INSRR: variants seen among roughly 807,000 people sequenced by gnomAD.
INSRR encodes insulin receptor-related protein.
In INSRR, 114 loss-of-function variants were observed where a neutral mutation model predicts 130.0. The ratio of observed to expected loss-of-function variants is 0.88; its 90% CI spans 0.75 to 1.02. The LOEUF is 1.02. Ranked by LOEUF, INSRR falls within the 50% of genes least tolerant of loss-of-function variation. The probability of loss-of-function intolerance (pLI) is 0.00; values close to 1 mark genes in which losing one functional copy is unlikely to be tolerated. For missense variants in INSRR, 1,657 were observed against 1,735.2 expected (o/e 0.95, Z 0.80); for synonymous variants, 674 against 705.2 (o/e 0.96, Z 0.70).
In INSRR at chr1:156,852,131, C is replaced by A; in HGVS notation, c.698G>T (p.Cys233Phe). ...TTCTGGCTGGCTGCAGCCCCCCAGG[C>A]ATTCGGTGTGGCAGCACTCGCCCCT... Reference protein sequence around the residue: ...TARGECCHTECLGGCSQPEDP... With the variant: ...TARGECCHTEFLGGCSQPEDP... Residue 233 changes from cysteine (C) to phenylalanine (F), a missense_variant, in exon 3 of 22, where the codon TGC becomes TTC. Cys to Phe is a radical substitution (Grantham distance 205, BLOSUM62 -2). Coordinates refer to ENST00000368195, the MANE Select transcript of INSRR (RefSeq NM_014215.3). 1 of 1,613,230 alleles carries A rather than the reference C, an allele frequency of 6.2e-7. No homozygotes were observed. The highest frequency in any genetic ancestry group is 8.5e-7 in the Non-Finnish European group (1 of 1,179,738).
rs1288954104 is a variant in INSRR at position 156,842,380 on chromosome 1, G to A, written c.3237+18C>T. The A allele has an allele frequency of 6.2e-7, 1 of 1,613,246 alleles. No individual in the cohort carries two copies. The highest frequency in any genetic ancestry group is 2.2e-5 in the East Asian group (1 of 44,868). ...GCCCAACCCTTCTTTCACTCCCCAG[G>A]GTCTTCCTGGTCCCTACCTCTGCCT... On this transcript the variant is annotated intron_variant, in intron 18 of 21. Transcript: ENST00000368195.
chr1:156,857,628 G>A (rs1432709622), intron 1 of INSRR, among the ~76,000 whole-genome samples: 1 of 152,158 alleles, frequency 6.6e-6, no homozygotes, highest in Non-Finnish European at 1.5e-5. Flanking sequence ...TCTGTGACTA[G>A]CACCCTTTAG....
chr1:156,853,114 A>G (rs942716658), intron 2 of INSRR, among the ~76,000 whole-genome samples: 1 of 151,850 alleles, frequency 6.6e-6, no homozygotes, highest in African/African-American at 2.4e-5. Flanking sequence ...GCATCATCCT[A>G]AAGGTCCCAC....
chr1:156,855,176 T>TTATCTATCTATG (rs1655363579), intron 1 of INSRR, among the ~76,000 whole-genome samples: 1 of 143,462 alleles, frequency 7.0e-6, no homozygotes, highest in South Asian at 2.4e-4. Context: ...CCATCCAATT[T>TTATCTATCTATG]TATCTATCTA....
rs1363859708 is a variant in INSRR at position 156,858,579 on chromosome 1, C to T, written c.43G>A (p.Val15Met). Residue 15 changes from valine (V) to methionine (M), a missense_variant, in exon 1 of 22, where the codon GTG becomes ATG. By Grantham distance (21) the Val-to-Met change is conservative. Transcript: ENST00000368195. ...CCAAATCCCAAGGAGAGGAAGATCA[C>T]AGGCAGGCATGCTCCCCAGGGCCAC... ...SLWPWGACLP[V>M]IFLSLGFGLD... is the part of the protein sequence containing the mutation. 4.3e-6 allele frequency: 7 copies of T among 1,614,080 alleles called. No individual in the cohort carries two copies. Among genetic ancestry groups the T allele is most frequent in the Non-Finnish European group, 5.9e-6 (7 of 1,180,000 alleles).
intron 5 of INSRR, 29 bp from the exon 6 acceptor site, chr1:156,849,489 C>T (rs778415385): frequency 1.9e-5 from 5 of 261,788 alleles, no homozygotes; most frequent in South Asian, 2.8e-5. Context: ...CCTTGCTCTG[C>T]GGGGAGGTGG....
At chr1:156,842,555 C>T in intron 17 of INSRR, 47 bp from the exon 18 acceptor site, 1 of 1,496,756 alleles carries the variant, frequency 6.7e-7, no homozygotes, top group African/African-American at 1.4e-5. Context: ...CCCCTTGACC[C>T]ATTTGGCCAA....
At position 156,844,062 on chromosome 1, in the gene INSRR, C is replaced by T. The variant is rs370870438; in HGVS notation, c.2843+113G>A. 7.1e-4 allele frequency: 530 copies of T among 743,540 alleles called. 8 individuals carry two copies. In the South Asian group the frequency reaches 8.6e-3, roughly 12 times the overall value. 46.1% of individuals were successfully genotyped at this position (743,540 alleles called of 1,614,324 possible). On this transcript the variant is annotated intron_variant, in intron 15 of 21. Transcript: ENST00000368195. ...CTGTGCCACCGCAGGGGAAGAGTTA[C>T]TGCCTGTATGGAAGACCTGTCTTTC...
Position 156,841,397 on chromosome 1 carries a change from T to G in INSRR, c.3659A>C (p.Gln1220Pro), listed in dbSNP as rs1408009025. The G allele has an allele frequency of 6.2e-7, 1 of 1,613,644 alleles. No homozygotes were observed. The highest frequency in any genetic ancestry group is 2.2e-5 in the East Asian group (1 of 44,846). The change falls in exon 21 of 22, where the codon CAG (glutamine) becomes CCG (proline). Residue 1220 changes from glutamine to proline, a missense_variant. Physicochemically the swap from Gln to Pro is moderately conservative, Grantham distance 76. Coordinates refer to ENST00000368195, the MANE Select transcript of INSRR (RefSeq NM_014215.3). ...VLEELEGCPLQLQELMSRCWQ... is the reference protein window; with the variant it reads ...VLEELEGCPLPLQELMSRCWQ... ...AGGGGCAGGGGAGGTGACTCACAGC[T>G]GAAGGGGACAGCCCTCCAGCTCCTC...
At position 156,852,168 on chromosome 1, in the gene INSRR, C is replaced by T; in HGVS notation, c.661G>A (p.Ala221Thr). The change falls in exon 3 of 22, where the codon GCT (alanine) becomes ACT (threonine). Residue 221 changes from alanine to threonine, a missense_variant. Coordinates refer to ENST00000368195, the MANE Select transcript of INSRR (RefSeq NM_014215.3). ...CAGCACTCGCCCCTCGCTGTGCAAG[C>T]CATCCCATGGGGGCAGGGGCACACT... ...QRVCPCPHGM[A>T]CTARGECCHT... The T allele has an allele frequency of 1.2e-6, 2 of 1,604,396 alleles. No individual in the cohort carries two copies. Among genetic ancestry groups the T allele is most frequent in the Non-Finnish European group, 1.7e-6 (2 of 1,174,246 alleles).
Position 156,852,074 on chromosome 1 carries a change from AG to A in INSRR, c.754del (p.Leu252SerfsTer79), listed in dbSNP as rs758870882. The A allele has an allele frequency of 1.2e-6, 2 of 1,613,648 alleles. No individual in the cohort carries two copies. Among genetic ancestry groups the A allele is most frequent in the Non-Finnish European group, 1.7e-6 (2 of 1,179,978 alleles). The part of the protein sequence containing the change: ...DPRACVACRH[L>X]YFQGACLWAC... ...CCACAGGCAGGCACCCTGGAAGTAG[AG>A]GTGGCGGCAAGCTACACAGGCACGA... On this transcript the variant is annotated frameshift_variant, in exon 3 of 22. Transcript: ENST00000368195. LOFTEE classifies it high-confidence loss of function.
At position 156,841,119 on chromosome 1, in the gene INSRR, G is replaced by T; in HGVS notation, c.3663-15C>A. 1 of 1,549,684 alleles carries T rather than the reference G, an allele frequency of 6.5e-7. No homozygotes were observed. On this transcript the variant is annotated splice_polypyrimidine_tract_variant and intron_variant, in intron 21 of 21. Transcript: ENST00000368195. ...TCAGCTCCTGCCTGGTGGGTGTGGG[G>T]AGCAGGGTCAGAGGCATCCGGGAGC...
rs373559732 is a variant in INSRR at position 156,844,554 on chromosome 1, G to A, written c.2645C>T (p.Pro882Leu). ...KFGGVHLALL[P>L]PGNYSARVRA... Reference sequence around the variant, plus strand: ...AACCCTGGCAGAGTAGTTTCCAGGGGGCAGCAGGGCCAGGTGGACTCCCCC... The same window carrying A: ...AACCCTGGCAGAGTAGTTTCCAGGGAGCAGCAGGGCCAGGTGGACTCCCCC... The change falls in exon 14 of 22, where the codon CCC becomes CTC. Residue 882 changes from proline (P) to leucine (L), a missense_variant. By Grantham distance (98) the Pro-to-Leu change is moderately conservative. Transcript: ENST00000368195. The A allele has an allele frequency of 6.8e-6, 11 of 1,614,188 alleles. No homozygotes were observed. The highest frequency in any genetic ancestry group is 8.5e-6 in the Non-Finnish European group (10 of 1,180,028).
intron 1 of INSRR, 100 bp downstream of exon 1, chr1:156,858,437 G>A: frequency 1.2e-6 from 1 of 857,794 alleles, no homozygotes; most frequent in East Asian, 2.4e-5. Flanking sequence ...ATGTTCCAGT[G>A]CAGAGTAAGT....
chr1:156,840,453 A>C lies in INSRR; in HGVS notation c.*420T>G. 1 of 125,674 alleles carries C rather than the reference A, an allele frequency of 8.0e-6. No individual in the cohort carries two copies. Among genetic ancestry groups the C allele is most frequent in the Non-Finnish European group, 1.6e-5 (1 of 63,650 alleles). 7.8% of individuals were successfully genotyped at this position (125,674 alleles called of 1,614,324 possible). On this transcript the variant is annotated 3_prime_UTR_variant, in exon 22 of 22. Transcript: ENST00000368195. ...AGCCCCACCCCCCTCCCATACATGCATGGAGAGCGCCCCAGGCCTGCTTCT... is the reference window on the plus strand; with the variant it reads ...AGCCCCACCCCCCTCCCATACATGCCTGGAGAGCGCCCCAGGCCTGCTTCT...
At chr1:156,842,543 T>A in intron 17 of INSRR, 35 bp from the exon 18 acceptor site, 1 of 1,566,778 alleles carries the variant, frequency 6.4e-7, no homozygotes, top group Non-Finnish European at 8.8e-7. Context: ...GACCCCCTAG[T>A]TCCCCTTGAC....
In INSRR at chr1:156,858,704, C is replaced by A; in HGVS notation, c.-83G>T. 1 of 1,172,550 alleles carries A rather than the reference C, an allele frequency of 8.5e-7. No homozygotes were observed. The highest frequency in any genetic ancestry group is 1.3e-6 in the Non-Finnish European group (1 of 781,062). The allele number at this position is 1,172,550 out of a possible 1,614,324, so 72.6% of individuals were successfully genotyped here. A position where few individuals can be genotyped will look rare whatever the true frequency, so the allele number is the denominator to read the frequency against. ...ACGGTGTGATAAGCCCTAAGGGACA[C>A]AGAGACCAGGGTTCAGATAGGAGAG... On this transcript the variant is annotated 5_prime_UTR_variant, in exon 1 of 22. Coordinates refer to ENST00000368195, the MANE Select transcript of INSRR (RefSeq NM_014215.3).
chr1:156,842,095 C>T lies in INSRR; in HGVS notation c.3397+17G>A, dbSNP rs139555558. 2.2e-5 allele frequency: 36 copies of T among 1,613,782 alleles called. 1 individual carries two copies. The highest frequency in any genetic ancestry group is 3.3e-5 in the Admixed American group (2 of 59,972). On this transcript the variant is annotated intron_variant, in intron 19 of 21. Coordinates refer to ENST00000368195, the MANE Select transcript of INSRR (RefSeq NM_014215.3). ...CTACTTTTCAGGCCGCCCTCATCTG[C>T]CTGGCACCCTCTGTACCCCCGATCT...
At position 156,843,407 on chromosome 1, in the gene INSRR, C is replaced by T. The variant is rs770810483; in HGVS notation, c.2896+20G>A. ...TGTCTCCCTTTCCCACACCACCTGT[C>T]CACCCACTCCCAGACCTACTATCAG... is the stretch of plus-strand genomic sequence containing the variant. On this transcript the variant is annotated intron_variant, in intron 16 of 21. Coordinates refer to ENST00000368195, the MANE Select transcript of INSRR (RefSeq NM_014215.3). The T allele has an allele frequency of 1.9e-5, 31 of 1,613,058 alleles. No individual in the cohort carries two copies. The highest frequency in any genetic ancestry group is 2.0e-5 in the Non-Finnish European group (24 of 1,179,102).
Sources: allele counts gnomAD v4.1 joint callset (sites outside exome capture counted in the v4.1 genomes callset), GRCh38; gene constraint gnomAD v4.1.1; transcripts MANE v1.5; gene names NCBI Gene and HGNC (gene_info 2026-07-23, HGNC 2026-07-21).